Variants in TRPV4 observed in about 807,000 individuals in gnomAD.
TRPV4 encodes the protein transient receptor potential cation channel subfamily V member 4.
Under a neutral mutation model 84.1 loss-of-function variants are expected in TRPV4, and 58 were observed. The ratio of observed to expected loss-of-function variants is 0.69; its 90% CI spans 0.56 to 0.86. The LOEUF (loss-of-function observed/expected upper bound fraction) is 0.86, where lower values mean the gene tolerates loss of function less well. TRPV4 is among the 40% of genes least tolerant of loss of function. The pLI, the probability that TRPV4 is intolerant of heterozygous loss-of-function variation, is 0.00. For missense variants in TRPV4, 879 were observed against 1,181.1 expected, an observed-to-expected ratio of 0.74 and a Z score of 3.75; for synonymous variants, 489 against 500.9, an observed-to-expected ratio of 0.98 and a Z score of 0.32.
chr12:109,786,565 T>A lies in TRPV4; in HGVS notation c.2336+145A>T, dbSNP rs556984114. On this transcript the variant is annotated intron_variant, in intron 14 of 15. Transcript: ENST00000261740. The surrounding 1 kb of genome is among the most constrained non-coding windows in gnomAD (Gnocchi z 4.5). The stretch of plus-strand genomic sequence containing the variant: ...GTGGGCTGACTTGCCTGAGATCGCC[T>A]GGTGGAAATGAACTCTGCTCGGGCC... The A allele has an allele frequency of 7.0e-5, 74 of 1,053,692 alleles. No homozygotes were observed. In the African/African-American group the frequency reaches 1.1e-3, roughly 16 times the overall value. The allele number at this position is 1,053,692 out of a possible 1,614,324, so 65.3% of individuals were successfully genotyped here.
Position 109,796,529 on chromosome 12 carries a change from A to G in TRPV4, c.1328T>C (p.Ile443Thr), listed in dbSNP as rs1032807952. Residue 443 changes from isoleucine to threonine, a missense_variant, in exon 7 of 16, where the codon ATT (isoleucine) becomes ACT (threonine). Coordinates refer to ENST00000261740, the MANE Select transcript of TRPV4 (RefSeq NM_021625.5). The surrounding 1 kb of genome is among the most constrained non-coding windows in gnomAD (Gnocchi z 4.2). ...VLEILVYNSK[I>T]ENRHEMLAVE... ...ATGCCCCCTCCTGGAGCCCACCTCAATCTTGCTGTTGTACACCAGGATCTC... is the reference window on the plus strand; with the variant it reads ...ATGCCCCCTCCTGGAGCCCACCTCAGTCTTGCTGTTGTACACCAGGATCTC... The G allele has an allele frequency of 1.9e-5, 30 of 1,613,932 alleles. No homozygotes were observed. Among genetic ancestry groups the G allele is most frequent in the Non-Finnish European group, 2.4e-5 (28 of 1,179,934 alleles).
rs573675255 is a variant in TRPV4, at chr12:109,785,458, C to T, written c.2337-1021G>A. ...TTTTAAGGCAGAGTCTTGCTCTGTC[C>T]GCCAGACTGGAGTGCAGTAGTGCAA... On this transcript the variant is annotated intron_variant, in intron 14 of 15. Transcript: ENST00000261740. Among the ~76,000 whole-genome samples, 14 of 151,680 alleles carry T rather than the reference C, an allele frequency of 9.2e-5. No homozygotes were observed. The South Asian group carries it at 2.1e-3, about 23-fold the overall frequency.
intron 1 of TRPV4, among the ~76,000 whole-genome samples, chr12:109,826,360 C>G (rs2338568): frequency 0.62 from 94,476 of 152,096 alleles, 30,908 homozygotes; most frequent in East Asian, 0.94. Flanking sequence ...TAACTATAGA[C>G]ATTAAATATT....
chr12:109,828,882 G>C (rs1005278913), intron 1 of TRPV4, among the ~76,000 whole-genome samples: 3 of 152,144 alleles, frequency 2.0e-5, no homozygotes, highest in Non-Finnish European at 2.9e-5. Context: ...CCCCGGCAGT[G>C]GGGAAGCTGT....
intron 7 of TRPV4, 48 bp from the exon 8 acceptor site, chr12:109,794,535 G>A: frequency 1.2e-6 from 2 of 1,608,746 alleles, no homozygotes; most frequent in East Asian, 2.2e-5. Flanking sequence ...GATGGGTGGG[G>A]GGTCCAGGCA....
intron 12 of TRPV4, among the ~76,000 whole-genome samples, chr12:109,790,602 G>A (rs1402412373): frequency 6.6e-6 from 1 of 152,168 alleles, no homozygotes; most frequent in Non-Finnish European, 1.5e-5. Flanking sequence ...TGGAGTCTAG[G>A]CCAGGTGCAG....
At chr12:109,811,092 C>T (rs1264269683) in intron 2 of TRPV4, among the ~76,000 whole-genome samples, 1 of 152,220 alleles carries the variant, frequency 6.6e-6, no homozygotes, top group Non-Finnish European at 1.5e-5. Context: ...CCTTCCCTCC[C>T]TCTCTGTGAC....
In TRPV4 at chr12:109,798,872, G is replaced by A. The variant is rs777733549; in HGVS notation, c.894C>T (p.Pro298=). ...PLSLAACTNQ[P]HIVNYLTENP... is the part of the protein sequence containing the mutation. ...TCTCCGTCAGGTAGTTGACAATGTG[G>A]GGCTGGTTGGTGCAGGCAGCCAGCG... The change falls in exon 6 of 16, where the codon CCC becomes CCT. Residue 298 remains proline, a synonymous_variant. Coordinates refer to ENST00000261740, the MANE Select transcript of TRPV4 (RefSeq NM_021625.5). This position sits in a 1 kb window ranked among gnomAD's most constrained non-coding sequence, Gnocchi z 5.0. 1 of 1,613,564 alleles carries A rather than the reference G, an allele frequency of 6.2e-7. No individual in the cohort carries two copies. Among genetic ancestry groups the A allele is most frequent in the Non-Finnish European group, 8.5e-7 (1 of 1,179,666 alleles).
intron 1 of TRPV4, among the ~76,000 whole-genome samples, chr12:109,824,456 G>C (rs964985966): frequency 1.3e-5 from 2 of 151,890 alleles, no homozygotes; most frequent in Non-Finnish European, 2.9e-5. Context: ...GAGGAGGGAG[G>C]CATCAAATTC....
Position 109,814,628 on chromosome 12 carries a change from G to A in TRPV4, c.169C>T (p.Pro57Ser). ...LSPSPADASR[P>S]AGPGDGRPNL... ...GGTCGCCCATCGCCTGGGCCAGCAG[G>A]GCGACTGGCATCAGCCGGTGAGGGC... Residue 57 changes from proline to serine, a missense_variant, in exon 2 of 16, where the codon CCT becomes TCT. Coordinates refer to ENST00000261740, the MANE Select transcript of TRPV4 (RefSeq NM_021625.5). This position sits in a 1 kb window ranked among gnomAD's most constrained non-coding sequence, Gnocchi z 5.4. The A allele has an allele frequency of 6.2e-7, 1 of 1,613,944 alleles. No individual in the cohort carries two copies.
intron 1 of TRPV4, among the ~76,000 whole-genome samples, chr12:109,827,389 T>A (rs753729850): frequency 6.6e-6 from 1 of 152,098 alleles, no homozygotes; most frequent in African/African-American, 2.4e-5. Flanking sequence ...ATTCCTTCCT[T>A]CATTCATCCC....
chr12:109,805,491 G>C (rs1393557500), intron 3 of TRPV4, among the ~76,000 whole-genome samples: 1 of 152,184 alleles, frequency 6.6e-6, no homozygotes, highest in Non-Finnish European at 1.5e-5. Flanking sequence ...GCCCAGGGTG[G>C]GGTGCTGTAG....
intron 8 of TRPV4, 84 bp downstream of exon 8, chr12:109,794,245 C>T: frequency 1.3e-6 from 2 of 1,562,304 alleles, no homozygotes; most frequent in Non-Finnish European, 1.7e-6. Context: ...CTACAGGGGA[C>T]CCAGAAGGAT....
intron 1 of TRPV4, among the ~76,000 whole-genome samples, chr12:109,823,594 C>A (rs1450347340): frequency 6.6e-6 from 1 of 152,102 alleles, no homozygotes; most frequent in African/African-American, 2.4e-5. Flanking sequence ...ATATGAAATG[C>A]CCAGAACAGG....
At position 109,800,628 on chromosome 12, in the gene TRPV4, G is replaced by A; in HGVS notation, c.843C>T (p.Tyr281=). ...CAGGCCCCTCCTTACCAAAGTAGAA[G>A]TAGCCCCCCTCATCCTTGGGCTGGA... ...RFFQPKDEGG[Y]FYFGELPLSL... Residue 281 remains tyrosine, a synonymous_variant, in exon 5 of 16, where the codon TAC becomes TAT. Transcript: ENST00000261740. 1 of 1,614,224 alleles carries A rather than the reference G, an allele frequency of 6.2e-7. No individual in the cohort carries two copies. Among genetic ancestry groups the A allele is most frequent in the Non-Finnish European group, 8.5e-7 (1 of 1,180,048 alleles).
At chr12:109,801,404 G>C (rs1273135319) in intron 4 of TRPV4, among the ~76,000 whole-genome samples, 1 of 152,174 alleles carries the variant, frequency 6.6e-6, no homozygotes, top group East Asian at 1.9e-4. Flanking sequence ...TCATGATAGT[G>C]AGTGAGTCCT....
Position 109,803,145 on chromosome 12 carries a change from T to C in TRPV4, c.560-2A>G. 2 of 1,613,940 alleles carry C rather than the reference T, an allele frequency of 1.2e-6. No individual in the cohort carries two copies. The highest frequency in any genetic ancestry group is 1.7e-6 in the Non-Finnish European group (2 of 1,180,026). The stretch of plus-strand genomic sequence containing the variant: ...GGCAGGTCTTCCCCGTAGATGGCTC[T>C]AGCAAGAGAGACACACAAGATGACG... On this transcript the variant is annotated splice_acceptor_variant, in intron 3 of 15. Coordinates refer to ENST00000261740, the MANE Select transcript of TRPV4 (RefSeq NM_021625.5). LOFTEE classifies it high-confidence loss of function.
At position 109,793,784 on chromosome 12, in the gene TRPV4, T is replaced by G. The variant is rs1890191243; in HGVS notation, c.1584+146A>C. On this transcript the variant is annotated intron_variant, in intron 9 of 15. Transcript: ENST00000261740. This position sits in a 1 kb window ranked among gnomAD's most constrained non-coding sequence, Gnocchi z 4.0. ...ATGGAGAACGTGGGATTGGAGGAGG[T>G]AGAAGAGAAATGGGAAAATAAAAGG... 2.4e-6 allele frequency: 2 copies of G among 818,278 alleles called. No individual in the cohort carries two copies. The highest frequency in any genetic ancestry group is 2.1e-5 in the Admixed American group (1 of 47,940). The allele number at this position is 818,278 out of a possible 1,614,324, so 50.7% of individuals were successfully genotyped here.
At position 109,798,457 on chromosome 12, in the gene TRPV4, C is replaced by T. The variant is rs1413138976; in HGVS notation, c.1152+157G>A. On this transcript the variant is annotated intron_variant, in intron 6 of 15. Coordinates refer to ENST00000261740, the MANE Select transcript of TRPV4 (RefSeq NM_021625.5). This position sits in a 1 kb window ranked among gnomAD's most constrained non-coding sequence, Gnocchi z 5.0. ...GGAGCTTGGCTGGACACTAGGGAGC[C>T]ATAGCAGGTTCTTGAGCTGGGACAT... 6.6e-6 allele frequency among the ~76,000 whole-genome samples: 1 copy of T among 152,104 alleles called. No individual in the cohort carries two copies. Among genetic ancestry groups the T allele is most frequent in the Non-Finnish European group, 1.5e-5 (1 of 68,026 alleles).
Sources: gnomAD v4.1 joint callset for allele counts (sites outside exome capture counted in the v4.1 genomes callset) on GRCh38, gnomAD v4.1.1 for gene constraint, Gnocchi (gnomAD v3.1) non-coding constraint, MANE v1.5 for transcripts, NCBI Gene and HGNC (gene_info 2026-07-23, HGNC 2026-07-21) for gene names.